MLXIP: variants seen among roughly 807,000 people sequenced by gnomAD.
The protein encoded by MLXIP is MLX-interacting protein.
Under a neutral mutation model 87.2 loss-of-function variants are expected in MLXIP, and 30 were observed. That is an observed-to-expected ratio of 0.34 (90% CI 0.26 to 0.47). MLXIP has a LOEUF of 0.47. Among genes scored for constraint, MLXIP ranks in the 20% least tolerant of loss-of-function variants. The pLI is 1.00. For missense variants in MLXIP, 1,002 were observed against 1,240.1 expected, an observed-to-expected ratio of 0.81 and a Z score of 2.88; for synonymous variants, 530 against 514.0, an observed-to-expected ratio of 1.03 and a Z score of -0.42.
chr12:122,079,468 C>CG (rs1434609919), intron 1 of MLXIP, among the ~76,000 whole-genome samples: 1 of 152,214 alleles, frequency 6.6e-6, no homozygotes, highest in African/African-American at 2.4e-5. Flanking sequence ...CCAGCAGTGC[C>CG]GGGGTCCTTT....
chr12:122,138,047 G>A (rs933994583), intron 12 of MLXIP, 147 bp from the exon 13 acceptor site: 2 of 662,354 alleles, frequency 3.0e-6, no homozygotes, highest in Admixed American at 2.9e-5. Context: ...GCTCCTCATT[G>A]GAGCCTTCAG....
At chr12:122,116,439 C>G (rs548514981) in intron 1 of MLXIP, among the ~76,000 whole-genome samples, 1 of 152,100 alleles carries the variant, frequency 6.6e-6, no homozygotes, top group African/African-American at 2.4e-5. Flanking sequence ...ATGGCTAACG[C>G]GCAGGTTTTT....
chr12:122,137,595 C>G lies in MLXIP; in HGVS notation c.2154+5C>G, dbSNP rs779187572. 4 of 1,613,324 alleles carry G rather than the reference C, an allele frequency of 2.5e-6. No individual in the cohort carries two copies. Among genetic ancestry groups the G allele is most frequent in the Admixed American group, 1.7e-5 (1 of 59,934 alleles). ...AAAAATGTGGCTGCACTAAAGGTACCGCATGTCTCCTCTTGGTTCCCTTGG... is the reference window on the plus strand; with the variant it reads ...AAAAATGTGGCTGCACTAAAGGTACGGCATGTCTCCTCTTGGTTCCCTTGG... On this transcript the variant is annotated splice_donor_5th_base_variant and intron_variant, in intron 12 of 16. Coordinates refer to ENST00000319080, the MANE Select transcript of MLXIP (RefSeq NM_014938.6). The surrounding 1 kb of genome is among the most constrained non-coding windows in gnomAD (Gnocchi z 4.1).
chr12:122,133,928 T>C lies in MLXIP; in HGVS notation c.1673T>C (p.Val558Ala). 1 of 1,608,212 alleles carries C rather than the reference T, an allele frequency of 6.2e-7. No homozygotes were observed. Reference sequence around the variant, plus strand: ...AGGCCTAAGCAGCCCCACAAAATAGTGCCTGCTCCCAAACCAGAGCCCGTG... The same window carrying C: ...AGGCCTAAGCAGCCCCACAAAATAGCGCCTGCTCCCAAACCAGAGCCCGTG... ...GGRPKQPHKIVPAPKPEPVSL... is the reference protein window; with the variant it reads ...GGRPKQPHKIAPAPKPEPVSL... The change falls in exon 9 of 17, where the codon GTG (valine) becomes GCG (alanine). Residue 558 changes from valine (V) to alanine (A), a missense_variant. By Grantham distance (64) the Val-to-Ala change is moderately conservative (BLOSUM62 0). Coordinates refer to ENST00000319080, the MANE Select transcript of MLXIP (RefSeq NM_014938.6). This position sits in a 1 kb window ranked among gnomAD's most constrained non-coding sequence, Gnocchi z 4.9.
chr12:122,103,411 C>T (rs890315298), intron 1 of MLXIP, among the ~76,000 whole-genome samples: 2 of 151,602 alleles, frequency 1.3e-5, no homozygotes, highest in South Asian at 2.1e-4. Flanking sequence ...TTTTAGTAGA[C>T]ACGGGATTTA....
chr12:122,105,961 G>A (rs1311886920), intron 1 of MLXIP, among the ~76,000 whole-genome samples: 1 of 152,174 alleles, frequency 6.6e-6, no homozygotes, highest in Admixed American at 6.5e-5. Context: ...ACTTAAGTGT[G>A]AGATGTTGGC....
At chr12:122,138,387 T>C (rs1593119063) in intron 13 of MLXIP, 37 bp from the exon 14 acceptor site, 1 of 1,610,954 alleles carries the variant, frequency 6.2e-7, no homozygotes, top group Non-Finnish European at 8.5e-7. Context: ...GCCTGCTGGC[T>C]GTGGGTGCTG....
chr12:122,089,830 C>T (rs150837779), intron 1 of MLXIP, among the ~76,000 whole-genome samples: 11 of 152,258 alleles, frequency 7.2e-5, no homozygotes, highest in East Asian at 5.8e-4. Flanking sequence ...CTTTGTTATT[C>T]GGGTATTGAC....
At chr12:122,083,179 A>G (rs769346648) in intron 1 of MLXIP, among the ~76,000 whole-genome samples, 1 of 151,932 alleles carries the variant, frequency 6.6e-6, no homozygotes, top group Non-Finnish European at 1.5e-5. Context: ...TTTTGGTTCC[A>G]TTTCTTTGCC....
chr12:122,094,516 GGT>G (rs1249279900), intron 1 of MLXIP, among the ~76,000 whole-genome samples: 66,319 of 135,932 alleles, frequency 0.49, 16,412 homozygotes, highest in Admixed American at 0.56. Flanking sequence ...GTGGTGTGTT[GGT>G]GTGTGTGTTG....
intron 1 of MLXIP, among the ~76,000 whole-genome samples, chr12:122,109,983 T>G (rs2135940116): frequency 6.6e-6 from 1 of 152,262 alleles, no homozygotes; most frequent in South Asian, 2.1e-4. Context: ...CGAATGGAAG[T>G]GGGTGTGACC....
At chr12:122,079,719 T>C (rs1048809989) in intron 1 of MLXIP, among the ~76,000 whole-genome samples, 3 of 152,330 alleles carry the variant, frequency 2.0e-5, no homozygotes, top group Admixed American at 2.0e-4. Flanking sequence ...GTTTCCTCCT[T>C]TATAAAAGGG....
intron 15 of MLXIP, among the ~76,000 whole-genome samples, chr12:122,140,062 C>T (rs1327418747): frequency 6.6e-6 from 1 of 152,144 alleles, no homozygotes; most frequent in Non-Finnish European, 1.5e-5. Context: ...GGTCCTGATC[C>T]CTGTCATTAA....
intron 16 of MLXIP, 164 bp downstream of exon 16, chr12:122,141,247 G>C: frequency 1.8e-6 from 1 of 566,130 alleles, no homozygotes; most frequent in African/African-American, 2.0e-5. Flanking sequence ...GCGCCCAGTG[G>C]GGGCAGGAGG....
Position 122,127,237 on chromosome 12 carries a change from G to T in MLXIP, c.414-19G>T. On this transcript the variant is annotated intron_variant, in intron 1 of 16. Coordinates refer to ENST00000319080, the MANE Select transcript of MLXIP (RefSeq NM_014938.6). ...TTCAGAGTAACCACTGAGTCTCCCC[G>T]CTTTGCCTTGCCTTTCAGTGGGAAG... 1 of 1,593,826 alleles carries T rather than the reference G, an allele frequency of 6.3e-7. No individual in the cohort carries two copies. The highest frequency in any genetic ancestry group is 1.1e-5 in the South Asian group (1 of 90,228).
intron 1 of MLXIP, among the ~76,000 whole-genome samples, chr12:122,119,533 A>G (rs1593094277): frequency 6.6e-6 from 1 of 152,122 alleles, no homozygotes; most frequent in Admixed American, 6.6e-5. Context: ...CTGGGACTAC[A>G]GGCACCTGCC....
At chr12:122,098,563 T>C (rs1952390352) in intron 1 of MLXIP, among the ~76,000 whole-genome samples, 1 of 152,210 alleles carries the variant, frequency 6.6e-6, no homozygotes, top group South Asian at 2.1e-4. Context: ...CAATGTGTCA[T>C]CCTGGAAGGG....
rs1170845039 is a variant in MLXIP, at chr12:122,107,573, A to C, written c.414-19683A>C. Among the ~76,000 whole-genome samples the C allele has an allele frequency of 2.0e-5, 3 of 152,156 alleles. No homozygotes were observed. In the East Asian group the frequency reaches 5.8e-4, roughly 29 times the overall value. On this transcript the variant is annotated intron_variant, in intron 1 of 16. Transcript: ENST00000319080. ...GAGAACCTCCTGTGTTCCAGATAGA[A>C]AGTCAGTCTGCTCTAAATACCTGGC...
intron 9 of MLXIP, 113 bp downstream of exon 9, chr12:122,134,100 C>T: frequency 8.1e-7 from 1 of 1,229,002 alleles, no homozygotes; most frequent in South Asian, 1.6e-5. Flanking sequence ...TGTGCACGTG[C>T]ATGCGCACAC....
Sources: allele counts gnomAD v4.1 joint callset (sites outside exome capture counted in the v4.1 genomes callset), GRCh38; gene constraint gnomAD v4.1.1; non-coding constraint Gnocchi (gnomAD v3.1); transcripts MANE v1.5; gene names NCBI Gene and HGNC (gene_info 2026-07-23, HGNC 2026-07-21).